The following PDZD2 variants were observed in gnomAD, a reference collection of about 807,000 sequenced individuals.
PDZD2 encodes PDZ domain-containing protein 2.
A neutral mutation model predicts 220.7 loss-of-function variants in PDZD2; 90 were observed. The ratio of observed to expected loss-of-function variants is 0.41; its 90% CI spans 0.34 to 0.49. PDZD2 has a LOEUF of 0.49. Ranked by LOEUF, PDZD2 falls within the 20% of genes least tolerant of loss-of-function variation. PDZD2 has a pLI of 0.28. For missense variants in PDZD2, 3,174 were observed against 3,608.5 expected, an observed-to-expected ratio of 0.88 and a Z score of 3.08; for synonymous variants, 1,375 against 1,450.5, an observed-to-expected ratio of 0.95 and a Z score of 1.18.
At chr5:32,052,866 A>G in intron 9 of PDZD2, 136 bp downstream of exon 9, 1 of 857,648 alleles carries the variant, frequency 1.2e-6, no homozygotes, top group Non-Finnish European at 1.8e-6. Context: ...GCCGGAGTGC[A>G]GTGGTGCAAT....
At position 31,953,184 on chromosome 5, in the gene PDZD2, G is replaced by A. The variant is rs149650949; in HGVS notation, c.477-29971G>A. On this transcript the variant is annotated intron_variant, in intron 2 of 24. Transcript: ENST00000438447. ...ATAGGAACTGACACACAGATCAGTG[G>A]AACAGAATAGGGAATCCCAAATTGG... is the stretch of plus-strand genomic sequence containing the variant. 4.7e-3 allele frequency among the ~76,000 whole-genome samples: 715 copies of A among 152,174 alleles called. 3 individuals are homozygous for A. The highest frequency in any genetic ancestry group is 0.041 in the Middle Eastern group (12 of 294).
intron 19 of PDZD2, among the ~76,000 whole-genome samples, chr5:32,079,229 A>C (rs1027932123): frequency 6.8e-5 from 10 of 147,688 alleles, no homozygotes; most frequent in African/African-American, 2.3e-4. Flanking sequence ...ATTGCACTCC[A>C]GCCTGGGGGA....
intron 2 of PDZD2, among the ~76,000 whole-genome samples, chr5:31,802,644 T>G (rs540519955): frequency 1.3e-5 from 2 of 152,210 alleles, no homozygotes; most frequent in East Asian, 1.9e-4. Flanking sequence ...ACATGAGCCG[T>G]GCGCCGTGGC....
At chr5:31,671,623 T>C (rs1052476205) in intron 1 of PDZD2, among the ~76,000 whole-genome samples, 4 of 152,200 alleles carry the variant, frequency 2.6e-5, no homozygotes, top group Non-Finnish European at 5.9e-5. Context: ...TGGTTGCTCC[T>C]GCTGTGAAAT....
At chr5:31,723,581 T>C (rs1222279084) in intron 1 of PDZD2, among the ~76,000 whole-genome samples, 1 of 152,112 alleles carries the variant, frequency 6.6e-6, no homozygotes, top group Non-Finnish European at 1.5e-5. Context: ...AGTGAGAGTG[T>C]TGTCTTTCAA....
intron 2 of PDZD2, among the ~76,000 whole-genome samples, chr5:31,870,391 G>A (rs1738678882): frequency 6.6e-6 from 1 of 152,140 alleles, no homozygotes; most frequent in African/African-American, 2.4e-5. Context: ...TTTGAATGAA[G>A]TATTATTTAG....
At chr5:31,688,864 T>C (rs79472828) in intron 1 of PDZD2, among the ~76,000 whole-genome samples, 135 of 152,196 alleles carry the variant, frequency 8.9e-4, no homozygotes, top group Middle Eastern at 3.4e-3. Flanking sequence ...AACGACTCTT[T>C]TGGTTTTTGT....
chr5:32,002,363 C>T (rs1013697446), intron 5 of PDZD2, among the ~76,000 whole-genome samples: 11 of 152,148 alleles, frequency 7.2e-5, no homozygotes, highest in African/African-American at 2.7e-4. Flanking sequence ...TTGAGTCCAT[C>T]GCGCTCCCTG....
At chr5:32,039,850 G>C (rs1211860424) in intron 7 of PDZD2, among the ~76,000 whole-genome samples, 1 of 151,548 alleles carries the variant, frequency 6.6e-6, no homozygotes, top group Non-Finnish European at 1.5e-5. Context: ...GAAGTGAGGA[G>C]CGCCTCTGCC....
rs1554045968 is a variant in PDZD2, at chr5:32,109,119, G to GTATC, written c.*986_*989dup. ...TTTAAACTAAATTTTTAGAAATCAA[G>GTATC]TATCTTTCTAAGTGTCCTTGGATTT... On this transcript the variant is annotated 3_prime_UTR_variant, in exon 25 of 25. Transcript: ENST00000438447. 2.0e-5 allele frequency: 3 copies of GTATC among 152,380 alleles called. No individual in the cohort carries two copies. The highest frequency in any genetic ancestry group is 4.8e-5 in the African/African-American group (2 of 41,428). 9.4% of individuals were successfully genotyped at this position (152,380 alleles called of 1,614,324 possible).
At chr5:31,914,146 C>G (rs1233017212) in intron 2 of PDZD2, among the ~76,000 whole-genome samples, 1 of 152,222 alleles carries the variant, frequency 6.6e-6, no homozygotes, top group African/African-American at 2.4e-5. Flanking sequence ...CATGCCTACA[C>G]GGCTCCAAAA....
chr5:31,971,782 T>G (rs1749319649), intron 2 of PDZD2, among the ~76,000 whole-genome samples: 1 of 152,196 alleles, frequency 6.6e-6, no homozygotes, highest in Non-Finnish European at 1.5e-5. Context: ...GCTCCCCATT[T>G]GCACAAAGGT....
At chr5:31,797,540 G>A (rs1410958297) in intron 1 of PDZD2, among the ~76,000 whole-genome samples, 2 of 147,834 alleles carry the variant, frequency 1.4e-5, no homozygotes, top group Non-Finnish European at 3.0e-5. Flanking sequence ...TCACCATGTT[G>A]GCCAGACTGG....
intron 1 of PDZD2, chr5:31,742,161 T>C (rs1394139806): frequency 6.6e-6 from 1 of 152,230 alleles, no homozygotes; most frequent in Non-Finnish European, 1.5e-5. Context: ...TAATCCTTCA[T>C]GGATTCTGTA....
intron 2 of PDZD2, among the ~76,000 whole-genome samples, chr5:31,876,890 C>G (rs1018306938): frequency 3.3e-5 from 5 of 152,192 alleles, no homozygotes; most frequent in African/African-American, 1.2e-4. Context: ...TAAAAAATTT[C>G]AGTGTCTGTG....
intron 4 of PDZD2, among the ~76,000 whole-genome samples, chr5:31,999,104 A>G (rs901028689): frequency 4.6e-5 from 7 of 152,258 alleles, no homozygotes; most frequent in Admixed American, 1.3e-4. Context: ...TGCCAGCCCA[A>G]TGGGAAGAAA....
intron 7 of PDZD2, among the ~76,000 whole-genome samples, chr5:32,047,808 AT>A (rs1561444345): frequency 6.6e-6 from 1 of 152,248 alleles, no homozygotes; most frequent in Non-Finnish European, 1.5e-5. Flanking sequence ...TGAACAGGCT[AT>A]TGGCATGCAA....
chr5:32,104,729 A>T (rs1744585353), intron 24 of PDZD2, among the ~76,000 whole-genome samples: 1 of 141,586 alleles, frequency 7.1e-6, no homozygotes, highest in African/African-American at 3.0e-5. Context: ...AAAAAAAAAA[A>T]AAAAAAAAAA....
intron 3 of PDZD2, among the ~76,000 whole-genome samples, chr5:31,989,155 G>C (rs1426154643): frequency 6.6e-6 from 1 of 152,146 alleles, no homozygotes; most frequent in Non-Finnish European, 1.5e-5. Context: ...CACCTGAATA[G>C]TGAACATTTT....
Sources: allele counts gnomAD v4.1 joint callset (sites outside exome capture counted in the v4.1 genomes callset), GRCh38; gene constraint gnomAD v4.1.1; transcripts MANE v1.5; gene names NCBI Gene and HGNC (gene_info 2026-07-23, HGNC 2026-07-21).